The following YEATS4 variants were observed in gnomAD, a reference collection of about 807,000 sequenced individuals.
YEATS4 encodes YEATS domain-containing protein 4.
A neutral mutation model predicts 30.1 loss-of-function variants in YEATS4; 17 were observed. The observed-to-expected ratio is 0.56, with a 90% confidence interval of 0.39 to 0.85. The LOEUF (loss-of-function observed/expected upper bound fraction) is 0.85. Ranked by LOEUF, YEATS4 falls within the 40% of genes least tolerant of loss-of-function variation. The probability of loss-of-function intolerance (pLI) is 0.00; values close to 1 mark genes in which losing one functional copy is unlikely to be tolerated. For synonymous variants in YEATS4, 85 were observed against 87.5 expected (o/e 0.97, Z 0.16); for missense variants, 142 against 268.3 (o/e 0.53, Z 3.29).
Position 69,390,465 on chromosome 12 carries a change from T to C in YEATS4, c.*149T>C. ...TGAATTTCTTAGCAATAGGAATTTG[T>C]ACTATTTAAGCAATCTTTAATGGAA... is the stretch of plus-strand genomic sequence containing the variant. On this transcript the variant is annotated 3_prime_UTR_variant, in exon 7 of 7. Transcript: ENST00000247843. 1 of 678,464 alleles carries C rather than the reference T, an allele frequency of 1.5e-6. No individual in the cohort carries two copies. Among genetic ancestry groups the C allele is most frequent in the Non-Finnish European group, 2.3e-6 (1 of 442,770 alleles). 42.0% of individuals were successfully genotyped at this position (678,464 alleles called of 1,614,324 possible). A position where few individuals can be genotyped will look rare whatever the true frequency, so the allele number is the denominator to read the frequency against.
chr12:69,377,535 A>T (rs1389971737), intron 6 of YEATS4, among the ~76,000 whole-genome samples: 1 of 152,106 alleles, frequency 6.6e-6, no homozygotes, highest in African/African-American at 2.4e-5. Context: ...TGCTGGGATT[A>T]TAGGTGTGAG....
At chr12:69,368,153 C>T (rs1346005913) in intron 4 of YEATS4, among the ~76,000 whole-genome samples, 1 of 151,998 alleles carries the variant, frequency 6.6e-6, no homozygotes, top group Non-Finnish European at 1.5e-5. Context: ...TGTACTTTTT[C>T]AATAGTTAGC....
At chr12:69,412,802 G>A in the YEATS4 span, among the ~76,000 whole-genome samples, 1 of 152,190 alleles carries the variant, frequency 6.6e-6, no homozygotes, top group Non-Finnish European at 1.5e-5. Context: ...GAAGATGGCT[G>A]TGTGATGAGG....
chr12:69,418,427 G>A, the YEATS4 span, among the ~76,000 whole-genome samples: 1 of 152,102 alleles, frequency 6.6e-6, no homozygotes, highest in African/African-American at 2.4e-5. Context: ...ACTCCAGCCT[G>A]GGTGACAGAG....
chr12:69,391,164 C>T (rs1379909311), downstream of YEATS4, among the ~76,000 whole-genome samples: 1 of 151,958 alleles, frequency 6.6e-6, no homozygotes, highest in African/African-American at 2.4e-5. Flanking sequence ...CATGGTGGCA[C>T]ATGCCTGTAA....
At chr12:69,379,279 C>A (rs867390042) in intron 6 of YEATS4, among the ~76,000 whole-genome samples, 5 of 152,212 alleles carry the variant, frequency 3.3e-5, no homozygotes, top group African/African-American at 1.2e-4. Flanking sequence ...CTATAACCTT[C>A]TTGTACTTGA....
At chr12:69,366,015 A>G in intron 4 of YEATS4, 131 bp downstream of exon 4, 1 of 631,898 alleles carries the variant, frequency 1.6e-6, no homozygotes. Context: ...TCTTGCCATG[A>G]GTTAAGTTTT....
In YEATS4 at chr12:69,370,903, A is replaced by G; in HGVS notation, c.442A>G (p.Thr148Ala). 6.2e-7 allele frequency: 1 copy of G among 1,613,370 alleles called. No homozygotes were observed. The highest frequency in any genetic ancestry group is 8.5e-7 in the Non-Finnish European group (1 of 1,179,726). The part of the protein sequence containing the change: ...FYDEMIFQDP[T>A]AMMQQLLTTS... The stretch of plus-strand genomic sequence containing the variant: ...ATCCCATTAGATATTTCAAGACCCA[A>G]CAGCAATGATGCAACAATTATTGAC... Residue 148 changes from threonine (T) to alanine (A), a missense_variant, in exon 6 of 7, where the codon ACA (threonine) becomes GCA (alanine). Around this residue, in one of 3 missense-constraint regions of YEATS4, gnomAD observed 64 missense variants for 164.0 expected, o/e 0.39. Transcript: ENST00000247843.
chr12:69,370,744 CA>C lies in YEATS4; in HGVS notation c.373del (p.Thr125ProfsTer18). The part of the protein sequence containing the change: ...YHLLKLFQSD[T>X]NAMLGKKTVV... ...ATTTGCTAAAGCTGTTTCAATCAGACACCAATGCAATGCTGGGGAAAAAGAC... is the reference window on the plus strand; with the variant it reads ...ATTTGCTAAAGCTGTTTCAATCAGACCCAATGCAATGCTGGGGAAAAAGAC... On this transcript the variant is annotated frameshift_variant, in exon 5 of 7. Transcript: ENST00000247843. LOFTEE classifies it high-confidence loss of function. 1 of 1,593,386 alleles carries C rather than the reference CA, an allele frequency of 6.3e-7. No individual in the cohort carries two copies. The highest frequency in any genetic ancestry group is 8.5e-7 in the Non-Finnish European group (1 of 1,173,550).
At chr12:69,419,435 T>C in the YEATS4 span, among the ~76,000 whole-genome samples, 49,101 of 151,742 alleles carry the variant, frequency 0.32, 8,197 homozygotes, top group East Asian at 0.57. Context: ...TTGCCCAGGC[T>C]GGTCTTGAAC....
At chr12:69,411,349 C>T in the YEATS4 span, among the ~76,000 whole-genome samples, 2 of 152,064 alleles carry the variant, frequency 1.3e-5, no homozygotes, top group Admixed American at 6.6e-5. Context: ...AGGCTGGTCT[C>T]GAACTCATGG....
At chr12:69,367,226 A>G (rs1487292003) in intron 4 of YEATS4, among the ~76,000 whole-genome samples, 3 of 152,076 alleles carry the variant, frequency 2.0e-5, no homozygotes, top group Non-Finnish European at 2.9e-5. Context: ...TACTATTCCT[A>G]CCTTAGTTTT....
chr12:69,417,856 G>GA, the YEATS4 span, among the ~76,000 whole-genome samples: 5,838 of 101,642 alleles, frequency 0.057, 192 homozygotes, highest in Non-Finnish European at 0.081. Flanking sequence ...TTACAATAGG[G>GA]AAAAAAAAAA....
chr12:69,362,089 C>T (rs1875245633), intron 1 of YEATS4, among the ~76,000 whole-genome samples: 2 of 136,732 alleles, frequency 1.5e-5, no homozygotes, highest in Admixed American at 1.6e-4. Context: ...ATGATCTCGG[C>T]TCACTGCAAC....
intron 1 of YEATS4, among the ~76,000 whole-genome samples, chr12:69,362,024 T>TTTTGTTTTTTG (rs1254823426): frequency 2.8e-5 from 4 of 143,686 alleles, no homozygotes; most frequent in Admixed American, 6.9e-5. Context: ...TTTTTTTTTT[T>TTTTGTTTTTTG]TTTTTTTTTT....
chr12:69,422,151 A>G, the YEATS4 span, among the ~76,000 whole-genome samples: 1 of 152,214 alleles, frequency 6.6e-6, no homozygotes, highest in East Asian at 1.9e-4. Flanking sequence ...TGAGATCCTT[A>G]GGGAGAAGGG....
the YEATS4 span, among the ~76,000 whole-genome samples, chr12:69,406,778 T>C: frequency 6.6e-6 from 1 of 152,122 alleles, no homozygotes; most frequent in Non-Finnish European, 1.5e-5. Flanking sequence ...TATTCTTTTA[T>C]TATTAGACAT....
chr12:69,379,048 T>A (rs1875972212), intron 6 of YEATS4, among the ~76,000 whole-genome samples: 1 of 152,232 alleles, frequency 6.6e-6, no homozygotes, highest in Admixed American at 6.5e-5. Context: ...AAAGGCTTTT[T>A]TTCCTTCAGC....
chr12:69,424,309 G>A, the YEATS4 span, among the ~76,000 whole-genome samples: 11 of 152,218 alleles, frequency 7.2e-5, no homozygotes, highest in African/African-American at 2.6e-4. Flanking sequence ...CCTGCTACAG[G>A]GGTCACTCAG....
Sources: gnomAD v4.1 joint callset for allele counts (sites outside exome capture counted in the v4.1 genomes callset) on GRCh38, gnomAD v4.1.1 for gene constraint, gnomAD v4.1.1 regional missense constraint, MANE v1.5 for transcripts, NCBI Gene and HGNC (gene_info 2026-07-23, HGNC 2026-07-21) for gene names.